The following SUN1 variants were observed in gnomAD, a reference collection of about 807,000 sequenced individuals.
SUN1 encodes the protein Sad1 and UNC84 domain containing 1.
Under a neutral mutation model 103.2 loss-of-function variants are expected in SUN1, and 61 were observed. The ratio of observed to expected loss-of-function variants is 0.59; its 90% CI spans 0.48 to 0.73. The LOEUF is 0.73. SUN1 is among the 30% of genes least tolerant of loss of function. The probability of loss-of-function intolerance (pLI) is 0.00; values close to 1 mark genes in which losing one functional copy is unlikely to be tolerated. For synonymous variants in SUN1, 490 were observed against 425.7 expected (o/e 1.15, Z -1.86); for missense variants, 1,052 against 1,034.6 (o/e 1.02, Z -0.23).
chr7:848,855 T>C lies in SUN1; in HGVS notation c.659-2529T>C, dbSNP rs7781634. Among the ~76,000 whole-genome samples, 420 of 152,354 alleles carry C rather than the reference T, an allele frequency of 2.8e-3. 5 individuals are homozygous for C. Among genetic ancestry groups the C allele is most frequent in the African/African-American group, 9.4e-3 (389 of 41,574 alleles). The stretch of plus-strand genomic sequence containing the variant: ...CAGTGTTGAAACATCTTTAAAGTTA[T>C]TTCTTAAACAAAAAGTTAATGTGCT... On this transcript the variant is annotated intron_variant, in intron 5 of 18. Transcript: ENST00000401592.
chr7:821,891 G>T (rs1378563270), intron 1 of SUN1, among the ~76,000 whole-genome samples: 1 of 152,208 alleles, frequency 6.6e-6, no homozygotes, highest in African/African-American at 2.4e-5. Context: ...AGTGTCGTCG[G>T]CCTCACCTTT....
In SUN1 at chr7:857,960, G is replaced by A; in HGVS notation, c.1524+3G>A. ...CAGTGGATGCCGTACAAGAAAGAGTGAGCTTTCTGCATGTTTACTTTTTGT... is the reference window on the plus strand; with the variant it reads ...CAGTGGATGCCGTACAAGAAAGAGTAAGCTTTCTGCATGTTTACTTTTTGT... On this transcript the variant is annotated splice_donor_region_variant and intron_variant, in intron 13 of 18. Transcript: ENST00000401592. 2 of 1,554,272 alleles carry A rather than the reference G, an allele frequency of 1.3e-6. No individual in the cohort carries two copies. Among genetic ancestry groups the A allele is most frequent in the Non-Finnish European group, 8.7e-7 (1 of 1,142,956 alleles).
At chr7:820,966 C>T (rs1414843874) in intron 1 of SUN1, among the ~76,000 whole-genome samples, 4 of 152,032 alleles carry the variant, frequency 2.6e-5, no homozygotes, top group African/African-American at 7.2e-5. Flanking sequence ...CCATGTTCTC[C>T]ATTGCATGCT....
At chr7:831,975 A>G, upstream of SUN1, 1 of 932,508 alleles carries the variant, frequency 1.1e-6, no homozygotes, top group Non-Finnish European at 1.3e-6. Context: ...GGTGAGGAAA[A>G]AAGTGTAAAT....
chr7:821,910 G>A (rs1173823052), intron 1 of SUN1, among the ~76,000 whole-genome samples: 9 of 152,320 alleles, frequency 5.9e-5, no homozygotes, highest in Admixed American at 2.0e-4. Flanking sequence ...TTCCCTGTGC[G>A]TATTTGGTGG....
intron 10 of SUN1, 113 bp from the exon 11 acceptor site, chr7:854,807 G>A (rs561355661): frequency 1.1e-5 from 8 of 721,188 alleles, no homozygotes; most frequent in African/African-American, 3.6e-5. Flanking sequence ...GCCACATTGC[G>A]ACCACAGATT....
chr7:840,644 T>C (rs1330417368), intron 2 of SUN1, among the ~76,000 whole-genome samples: 517 of 47,820 alleles, frequency 0.011, 2 homozygotes, highest in Non-Finnish European at 0.016. Context: ...CTATTCTTTT[T>C]TTTTTTTTTT....
intron 1 of SUN1, among the ~76,000 whole-genome samples, chr7:825,082 G>A (rs924751606): frequency 7.3e-5 from 11 of 150,930 alleles, no homozygotes; most frequent in African/African-American, 1.5e-4. Context: ...TTTTTTAGGC[G>A]GAGTCTTGCT....
At chr7:863,133 C>T (rs996467624) in intron 15 of SUN1, among the ~76,000 whole-genome samples, 1 of 152,188 alleles carries the variant, frequency 6.6e-6, no homozygotes, top group Non-Finnish European at 1.5e-5. Flanking sequence ...CAGAGCGAGA[C>T]TCCATCTCAA....
chr7:830,005 C>T (rs892349486), upstream of SUN1, among the ~76,000 whole-genome samples: 6 of 152,202 alleles, frequency 3.9e-5, no homozygotes, highest in Non-Finnish European at 8.8e-5. Context: ...TTTATTTTAT[C>T]CTATAATTTA....
At chr7:820,801 C>T (rs1311514454) in intron 1 of SUN1, among the ~76,000 whole-genome samples, 1 of 152,172 alleles carries the variant, frequency 6.6e-6, no homozygotes, top group Non-Finnish European at 1.5e-5. Flanking sequence ...TTGAGATGAT[C>T]ACATGGCTTT....
intron 1 of SUN1, among the ~76,000 whole-genome samples, chr7:827,207 A>G (rs1793002468): frequency 6.6e-6 from 1 of 151,602 alleles, no homozygotes; most frequent in Admixed American, 6.6e-5. Context: ...GTTTTGCTAG[A>G]GACGGGGTTT....
chr7:827,371 T>G (rs1793186217), intron 1 of SUN1, among the ~76,000 whole-genome samples: 1 of 151,992 alleles, frequency 6.6e-6, no homozygotes, highest in African/African-American at 2.4e-5. Context: ...ATGAAGATTT[T>G]TCAACCATGT....
At chr7:828,431 C>G (rs1794870542), upstream of SUN1, among the ~76,000 whole-genome samples, 1 of 151,892 alleles carries the variant, frequency 6.6e-6, no homozygotes, top group South Asian at 2.1e-4. Context: ...GCCACCACAC[C>G]CAGCTAATTT....
chr7:871,005 C>T (rs964482685), intron 17 of SUN1, among the ~76,000 whole-genome samples: 3 of 150,998 alleles, frequency 2.0e-5, no homozygotes. Context: ...ATTCTCCTGC[C>T]TCAGCCTCCC....
chr7:823,125 C>T (rs567281287), intron 1 of SUN1, among the ~76,000 whole-genome samples: 5 of 152,240 alleles, frequency 3.3e-5, no homozygotes, highest in South Asian at 2.1e-4. Flanking sequence ...GAGCAGGGTG[C>T]GTGGCGTGGA....
intron 1 of SUN1, among the ~76,000 whole-genome samples, chr7:825,423 G>A (rs1300264621): frequency 3.9e-5 from 6 of 152,180 alleles, no homozygotes; most frequent in Non-Finnish European, 7.4e-5. Context: ...TTTTCAAACA[G>A]CCTGAAAGGG....
chr7:847,217 C>A (rs2128332715), intron 5 of SUN1, among the ~76,000 whole-genome samples: 1 of 152,182 alleles, frequency 6.6e-6, no homozygotes, highest in South Asian at 2.1e-4. Flanking sequence ...GAGTTGGCGG[C>A]CTTCCCCTGG....
chr7:850,265 C>A, intron 5 of SUN1: 1 of 498,360 alleles, frequency 2.0e-6, no homozygotes, highest in South Asian at 2.1e-5. Flanking sequence ...GTGGTGCAAT[C>A]TTGGCTCACT....
Sources: allele counts gnomAD v4.1 joint callset (sites outside exome capture counted in the v4.1 genomes callset), GRCh38; gene constraint gnomAD v4.1.1; transcripts MANE v1.5; gene names NCBI Gene and HGNC (gene_info 2026-07-23, HGNC 2026-07-21).